Variants in SEMA6D observed in about 807,000 individuals in gnomAD.
SEMA6D encodes semaphorin-6D.
Under a neutral mutation model 106.6 loss-of-function variants are expected in SEMA6D, and 35 were observed. The ratio of observed to expected loss-of-function variants is 0.33; its 90% CI spans 0.25 to 0.44. The LOEUF is 0.44. Among genes scored for constraint, SEMA6D ranks in the 20% least tolerant of loss-of-function variants. SEMA6D has a pLI of 1.00. For missense variants in SEMA6D, 1,185 were observed against 1,345.9 expected (o/e 0.88, Z 1.87); for synonymous variants, 499 against 487.7 (o/e 1.02, Z -0.31).
At chr15:47,760,131 T>TAAAAG (rs3840012) in intron 2 of SEMA6D, 173 bp from the exon 3 acceptor site, 381,359 of 632,370 alleles carry the variant, frequency 0.6, 119,853 homozygotes, top group Middle Eastern at 0.68. Context: ...TATTTTGAGT[T>TAAAAG]AAAAAGACCA....
intron 3 of SEMA6D, among the ~76,000 whole-genome samples, chr15:47,547,543 C>CT (rs1017705775): frequency 9.9e-5 from 15 of 151,852 alleles, no homozygotes; most frequent in Non-Finnish European, 1.5e-4. Flanking sequence ...TGGTTTTTAA[C>CT]TTTTTTTTAC....
At chr15:47,553,193 C>T (rs778751179) in intron 3 of SEMA6D, among the ~76,000 whole-genome samples, 41 of 151,728 alleles carry the variant, frequency 2.7e-4, no homozygotes, top group Admixed American at 1.1e-3. Context: ...CATGAGCCAC[C>T]GCGCCCAGCC....
At position 47,231,814 on chromosome 15, in the gene SEMA6D, C is replaced by A. The variant is rs2032213880; in HGVS notation, c.-239+47396C>A. ...ATAGGCTAAACAGAAATTATAAACT[C>A]CCTTTGAAAATTGATTCTTTTTTTA... On this transcript the variant is annotated intron_variant, in intron 1 of 19. Coordinates refer to the SEMA6D transcript ENST00000558014. Among the ~76,000 whole-genome samples, 4 of 151,916 alleles carry A rather than the reference C, an allele frequency of 2.6e-5. No homozygotes were observed. In the South Asian group the frequency reaches 8.3e-4, roughly 32 times the overall value.
At chr15:47,228,137 TACACACACAC>T (rs72361942) in intron 1 of SEMA6D, among the ~76,000 whole-genome samples, 1 of 135,080 alleles carries the variant, frequency 7.4e-6, no homozygotes, top group African/African-American at 2.8e-5. Context: ...TGTGTGTGTG[TACACACACAC>T]ACACACACAC....
intron 4 of SEMA6D, among the ~76,000 whole-genome samples, chr15:47,681,962 T>G (rs1489843256): frequency 6.6e-6 from 1 of 152,206 alleles, no homozygotes; most frequent in Non-Finnish European, 1.5e-5. Flanking sequence ...GCTTTTAGGT[T>G]CAATGGTCTA....
chr15:47,717,496 T>G (rs1015726065), upstream of SEMA6D: 6 of 154,234 alleles, frequency 3.9e-5, no homozygotes, highest in African/African-American at 1.4e-4. Context: ...TTTGTTTTGC[T>G]CCTGCTCTGT....
chr15:47,300,783 T>C (rs1229316066), intron 1 of SEMA6D, among the ~76,000 whole-genome samples: 2 of 152,206 alleles, frequency 1.3e-5, no homozygotes, highest in Non-Finnish European at 2.9e-5. Flanking sequence ...CTGCCTTCTG[T>C]GCAGTCCCCA....
At chr15:47,632,889 T>C (rs1481439139) in intron 4 of SEMA6D, among the ~76,000 whole-genome samples, 3 of 152,158 alleles carry the variant, frequency 2.0e-5, no homozygotes, top group Admixed American at 2.0e-4. Context: ...CCACCTTGAT[T>C]TATTTATGGT....
chr15:47,222,032 TGCACAC>T (rs1255620895), intron 1 of SEMA6D, among the ~76,000 whole-genome samples: 1 of 151,792 alleles, frequency 6.6e-6, no homozygotes, highest in Non-Finnish European at 1.5e-5. Flanking sequence ...GACACACGCA[TGCACAC>T]GCACACTCAC....
chr15:47,530,761 G>A (rs192947727), intron 3 of SEMA6D, among the ~76,000 whole-genome samples: 1 of 151,710 alleles, frequency 6.6e-6, no homozygotes, highest in African/African-American at 2.4e-5. Context: ...CATGATGAAG[G>A]GTGGAGACAG....
At chr15:47,505,486 G>GCCCCACTTCTCC (rs2044009526) in intron 3 of SEMA6D, among the ~76,000 whole-genome samples, 4 of 152,112 alleles carry the variant, frequency 2.6e-5, no homozygotes, top group Non-Finnish European at 5.9e-5. Context: ...AACATTTGGG[G>GCCCCACTTCTCC]ACAATATGAA....
intron 17 of SEMA6D, among the ~76,000 whole-genome samples, chr15:47,768,038 T>C (rs1398129358): frequency 3.9e-5 from 6 of 152,166 alleles, no homozygotes; most frequent in African/African-American, 1.4e-4. Context: ...CTTAGTATAG[T>C]GAATAATCTA....
At chr15:47,528,243 A>T (rs896397576) in intron 3 of SEMA6D, among the ~76,000 whole-genome samples, 2 of 152,228 alleles carry the variant, frequency 1.3e-5, no homozygotes, top group Non-Finnish European at 2.9e-5. Flanking sequence ...CTAAATTCTT[A>T]TGCATTTTCA....
intron 4 of SEMA6D, among the ~76,000 whole-genome samples, chr15:47,644,608 T>A (rs2077547289): frequency 1.3e-5 from 2 of 152,204 alleles, no homozygotes; most frequent in African/African-American, 4.8e-5. Context: ...GGGAGTAGCT[T>A]GCTCTCTTGC....
At chr15:47,265,633 T>A (rs1047481874) in intron 1 of SEMA6D, among the ~76,000 whole-genome samples, 2 of 152,044 alleles carry the variant, frequency 1.3e-5, no homozygotes, top group African/African-American at 4.8e-5. Context: ...TCTTAGTATT[T>A]TTTTCTTTTC....
chr15:47,451,787 A>G (rs944656917), intron 2 of SEMA6D, among the ~76,000 whole-genome samples: 1 of 152,012 alleles, frequency 6.6e-6, no homozygotes, highest in Non-Finnish European at 1.5e-5. Context: ...GTGTGAGGCC[A>G]AGAGTGGGAG....
intron 3 of SEMA6D, among the ~76,000 whole-genome samples, chr15:47,576,562 A>G (rs1179833111): frequency 6.6e-6 from 1 of 152,224 alleles, no homozygotes; most frequent in Admixed American, 6.5e-5. Flanking sequence ...GCTCAACTGC[A>G]CTAAATCACT....
chr15:47,512,302 T>A (rs1469447885), intron 3 of SEMA6D, among the ~76,000 whole-genome samples: 1 of 152,216 alleles, frequency 6.6e-6, no homozygotes, highest in Non-Finnish European at 1.5e-5. Context: ...TGCAGAGCAG[T>A]AAGCAGTGGC....
chr15:47,212,942 A>G (rs1165343651), intron 1 of SEMA6D, among the ~76,000 whole-genome samples: 1 of 152,172 alleles, frequency 6.6e-6, no homozygotes, highest in Non-Finnish European at 1.5e-5. Context: ...ATAGTCAGGA[A>G]ATCGTATTTT....
Sources: allele counts gnomAD v4.1 joint callset (sites outside exome capture counted in the v4.1 genomes callset), GRCh38; gene constraint gnomAD v4.1.1; transcripts MANE v1.5; gene names NCBI Gene and HGNC (gene_info 2026-07-23, HGNC 2026-07-21).